Variants in RPL35 observed in about 807,000 individuals in gnomAD.
RPL35 encodes large ribosomal subunit protein uL29.
RPL35 carries 2 observed loss-of-function variants against 15.6 expected under a neutral mutation model. The ratio of observed to expected loss-of-function variants is 0.13; its 90% CI spans 0.05 to 0.40. RPL35 has a LOEUF of 0.40. RPL35 is among the 10% of genes least tolerant of loss of function. The pLI, the probability that RPL35 is intolerant of heterozygous loss-of-function variation, is 0.99. For synonymous variants in RPL35, 93 were observed against 67.9 expected (o/e 1.37, Z -1.82); for missense variants, 111 against 164.7 (o/e 0.67, Z 1.79).
At chr9:124,859,977 C>A (rs1050871861) in intron 3 of RPL35, among the ~76,000 whole-genome samples, 3 of 152,212 alleles carry the variant, frequency 2.0e-5, no homozygotes, top group Non-Finnish European at 4.4e-5. Flanking sequence ...CCAATGAATT[C>A]TTGACATCTG....
rs1244678104 is a variant in RPL35, at chr9:124,860,254, G to A, written c.151C>T (p.Arg51Trp). The A allele has an allele frequency of 9.9e-6, 16 of 1,613,546 alleles. No homozygotes were observed. Among genetic ancestry groups the A allele is most frequent in the South Asian group, 4.4e-5 (4 of 91,074 alleles). ...ASKLSKIRVV[R>W]KSIARVLTVI... ...GTGAGAACACGGGCAATGGATTTCC[G>A]GACGACTCGGCTACAAAACAGAGAT... Residue 51 changes from arginine (R) to tryptophan (W), a missense_variant, in exon 3 of 4, where the codon CGG (arginine) becomes TGG (tryptophan). Coordinates refer to ENST00000348462, the MANE Select transcript of RPL35 (RefSeq NM_007209.4).
At chr9:124,860,463 G>A (rs1209789694) in intron 2 of RPL35, among the ~76,000 whole-genome samples, 199 bp from the exon 3 acceptor site, 1 of 152,222 alleles carries the variant, frequency 6.6e-6, no homozygotes, top group East Asian at 1.9e-4. Context: ...TTATGAGGAA[G>A]TGCAGGCTGG....
Position 124,861,313 on chromosome 9 carries a change from G to A in RPL35, c.140+106C>T, listed in dbSNP as rs2131326112. ...CATGCGCGCCAGGATGCACGGAGTG[G>A]GCATCTAAGCGGCCAGCTCCTTAAG... On this transcript the variant is annotated intron_variant, in intron 2 of 3. Transcript: ENST00000348462. 2.9e-6 allele frequency: 4 copies of A among 1,376,668 alleles called. No homozygotes were observed. In the East Asian group the frequency reaches 9.3e-5, roughly 32 times the overall value. The allele number at this position is 1,376,668 out of a possible 1,614,324, so 85.3% of individuals were successfully genotyped here. A position where few individuals can be genotyped will look rare whatever the true frequency, so the allele number is the denominator to read the frequency against.
At position 124,861,512 on chromosome 9, in the gene RPL35, T is replaced by C; in HGVS notation, c.47A>G (p.Glu16Gly). The C allele has an allele frequency of 6.2e-7, 1 of 1,614,036 alleles. No homozygotes were observed. Among genetic ancestry groups the C allele is most frequent in the African/African-American group, 1.3e-5 (1 of 75,054 alleles). ...CAGGTCGTCCAGCTGTTTCAGCAGC[T>C]CCTCCTTCTTCTTCCCGCGAAGATC... ...ARDLRGKKKE[E>G]LLKQLDDLKV... The change falls in exon 2 of 4, where the codon GAG becomes GGG. Residue 16 changes from glutamate (E) to glycine (G), a missense_variant. By Grantham distance (98) the Glu-to-Gly change is moderately conservative. Transcript: ENST00000348462.
intron 3 of RPL35, chr9:124,858,444 G>A (rs1829142716): frequency 1.4e-6 from 1 of 715,158 alleles, no homozygotes; most frequent in Non-Finnish European, 2.6e-6. Flanking sequence ...AGCCCCGGGG[G>A]TAGTTACCAT....
chr9:124,860,286 G>A (rs1829176741), intron 2 of RPL35, 22 bp from the exon 3 acceptor site: 1 of 1,590,358 alleles, frequency 6.3e-7, no homozygotes, highest in Non-Finnish European at 8.6e-7. Flanking sequence ...AGATGTCAGT[G>A]AAGATAGGGA....
At chr9:124,861,259 G>GT (rs1829192492) in intron 2 of RPL35, 160 bp downstream of exon 2, 1 of 885,978 alleles carries the variant, frequency 1.1e-6, no homozygotes, top group Admixed American at 2.3e-5. Flanking sequence ...GTCAAGGCAG[G>GT]TAAGAGGCTA....
chr9:124,859,043 TG>T (rs1431219864), intron 3 of RPL35, among the ~76,000 whole-genome samples: 1 of 152,240 alleles, frequency 6.6e-6, no homozygotes, highest in African/African-American at 2.4e-5. Context: ...CTTTTCACAT[TG>T]GCTAACCCCC....
Position 124,861,070 on chromosome 9 carries a change from C to T in RPL35, c.140+349G>A, listed in dbSNP as rs966257205. 6 of 236,100 alleles carry T rather than the reference C, an allele frequency of 2.5e-5. No homozygotes were observed. The East Asian group carries it at 3.1e-4, about 12-fold the overall frequency. The allele number at this position is 236,100 out of a possible 1,614,324, so 14.6% of individuals were successfully genotyped here. A position where few individuals can be genotyped will look rare whatever the true frequency, so the allele number is the denominator to read the frequency against. ...ACCCATGTTCCTTTCACAAGTCTCCCGCACTCTTAGCCATGTAAAATAACT... is the reference window on the plus strand; with the variant it reads ...ACCCATGTTCCTTTCACAAGTCTCCTGCACTCTTAGCCATGTAAAATAACT... On this transcript the variant is annotated intron_variant, in intron 2 of 3. Transcript: ENST00000348462.
chr9:124,858,441 G>C, intron 3 of RPL35: 2 of 714,706 alleles, frequency 2.8e-6, no homozygotes, highest in South Asian at 1.5e-5. Context: ...CCAAGCCCCG[G>C]GGGTAGTTAC....
At chr9:124,860,399 T>G (rs998798462) in intron 2 of RPL35, 135 bp from the exon 3 acceptor site, 16 of 745,280 alleles carry the variant, frequency 2.1e-5, no homozygotes, top group Admixed American at 1.6e-4. Context: ...GAAGGCGTTC[T>G]GGGAGTGAGG....
chr9:124,859,337 G>T (rs1829160500), intron 3 of RPL35, among the ~76,000 whole-genome samples: 2 of 152,338 alleles, frequency 1.3e-5, no homozygotes, highest in South Asian at 4.1e-4. Context: ...AAATCTTCAA[G>T]TTATTCAAAC....
intron 1 of RPL35, 134 bp downstream of exon 1, chr9:124,861,776 G>T: frequency 7.3e-7 from 1 of 1,371,366 alleles, no homozygotes; most frequent in Non-Finnish European, 9.8e-7. Flanking sequence ...GCGGGTTGTG[G>T]TGGCGCCAGA....
intron 3 of RPL35, 71 bp from the exon 4 acceptor site, chr9:124,858,138 G>C: frequency 1.3e-6 from 2 of 1,529,838 alleles, no homozygotes; most frequent in Non-Finnish European, 1.8e-6. Context: ...TAAGGGGGCT[G>C]GGGAGGGCCA....
At chr9:124,858,484 T>TG in intron 3 of RPL35, 1 of 716,848 alleles carries the variant, frequency 1.4e-6, no homozygotes. Context: ...AAGAGCATGC[T>TG]GGGGGCTGAG....
chr9:124,861,584 C>G, intron 1 of RPL35, 29 bp from the exon 2 acceptor site: 2 of 1,610,526 alleles, frequency 1.2e-6, no homozygotes, highest in South Asian at 2.2e-5. Flanking sequence ...GTGCCTCAGC[C>G]AGGCCGCGGG....
intron 3 of RPL35, among the ~76,000 whole-genome samples, chr9:124,859,376 T>G (rs1267264819): frequency 1.3e-5 from 2 of 152,216 alleles, no homozygotes; most frequent in Non-Finnish European, 2.9e-5. Context: ...TGGAACCATT[T>G]TGCAGATGAA....
intron 3 of RPL35, chr9:124,858,480 A>C (rs964307234): frequency 2.8e-6 from 2 of 716,876 alleles, no homozygotes; most frequent in African/African-American, 3.5e-5. Flanking sequence ...TAGCAAGAGC[A>C]TGCTGGGGGC....
intron 1 of RPL35, 111 bp downstream of exon 1, chr9:124,861,799 G>T: frequency 7.0e-7 from 1 of 1,432,510 alleles, no homozygotes; most frequent in Non-Finnish European, 9.4e-7. Flanking sequence ...ATTCTGCGCG[G>T]CGCCCCACAG....
Sources: allele counts gnomAD v4.1 joint callset (sites outside exome capture counted in the v4.1 genomes callset), GRCh38; gene constraint gnomAD v4.1.1; transcripts MANE v1.5; gene names NCBI Gene and HGNC (gene_info 2026-07-23, HGNC 2026-07-21).